HERC2: variants seen among roughly 807,000 people sequenced by gnomAD.
The protein encoded by HERC2 is HECT and RLD domain containing E3 ubiquitin protein ligase 2, also known as E3 ubiquitin-protein ligase HERC2.
Under a neutral mutation model 537.7 loss-of-function variants are expected in HERC2, and 102 were observed. The ratio of observed to expected loss-of-function variants is 0.19; its 90% CI spans 0.16 to 0.22. The LOEUF is 0.22. Ranked by LOEUF, HERC2 falls within the 10% of genes least tolerant of loss-of-function variation. The probability of loss-of-function intolerance (pLI) is 1.00; values close to 1 mark genes in which losing one functional copy is unlikely to be tolerated. For synonymous variants in HERC2, 2,224 were observed against 2,466.2 expected, an observed-to-expected ratio of 0.90 and a Z score of 2.91; for missense variants, 4,236 against 6,198.2, an observed-to-expected ratio of 0.68 and a Z score of 10.63.
intron 86 of HERC2, chr15:28,117,579 C>G (rs1888415839): frequency 4.2e-6 from 2 of 472,794 alleles, no homozygotes; most frequent in Non-Finnish European, 8.4e-6. Context: ...AGCAGCTCCC[C>G]CAGCAGACCA....
At position 28,268,371 on chromosome 15, in the gene HERC2, G is replaced by A. The variant is rs942928951; in HGVS notation, c.1598+94C>T. On this transcript the variant is annotated intron_variant, in intron 12 of 92. Coordinates refer to ENST00000261609, the MANE Select transcript of HERC2 (RefSeq NM_004667.6). This position sits in a 1 kb window ranked among gnomAD's most constrained non-coding sequence, Gnocchi z 4.7. ...CCAGCGCTACATGTCAGGGCAATTG[G>A]AAAACACCTGGACACACTTCTGCGC... is the stretch of plus-strand genomic sequence containing the variant. 8 of 1,239,418 alleles carry A rather than the reference G, an allele frequency of 6.5e-6. No homozygotes were observed. Among genetic ancestry groups the A allele is most frequent in the African/African-American group, 1.5e-5 (1 of 67,016 alleles). The allele number at this position is 1,239,418 out of a possible 1,614,324, so 76.8% of individuals were successfully genotyped here.
chr15:28,233,790 A>C lies in HERC2; in HGVS notation c.4225T>G (p.Leu1409Val). Residue 1409 changes from leucine to valine, a missense_variant, in exon 28 of 93, where the codon TTG becomes GTG. Physicochemically the swap from Leu to Val is conservative, Grantham distance 32 (BLOSUM62 1). Coordinates refer to ENST00000261609, the MANE Select transcript of HERC2 (RefSeq NM_004667.6). ...CTACAGTACCTTTCTATTTGACACA[A>C]AAAGTCCTGCAACAGAAACAGCTGG... ...NIQDHNVKDF[L>V]CQIERYCRQC... is the part of the protein sequence containing the mutation. The C allele has an allele frequency of 6.2e-7, 1 of 1,612,284 alleles. No homozygotes were observed. Among genetic ancestry groups the C allele is most frequent in the South Asian group, 1.1e-5 (1 of 90,996 alleles).
chr15:28,192,173 G>A (rs1294342231), intron 52 of HERC2, 22 bp from the exon 53 acceptor site: 1 of 1,597,370 alleles, frequency 6.3e-7, no homozygotes, highest in East Asian at 2.2e-5. Flanking sequence ...TAGTCAAAAA[G>A]AGAATTAACC....
chr15:28,173,791 C>CA (rs756958450), intron 65 of HERC2, among the ~76,000 whole-genome samples: 8,700 of 70,838 alleles, frequency 0.12, 731 homozygotes, highest in African/African-American at 0.29. Flanking sequence ...ACCCTGTCTA[C>CA]AAAAAAAAAA....
chr15:28,319,495 G>A (rs867913715), intron 2 of HERC2, among the ~76,000 whole-genome samples: 6 of 146,530 alleles, frequency 4.1e-5, no homozygotes, highest in Middle Eastern at 3.6e-3. Flanking sequence ...TGAGGCGGGA[G>A]AATCACTTGC....
intron 45 of HERC2, among the ~76,000 whole-genome samples, chr15:28,204,429 G>C (rs1898192475): frequency 6.6e-6 from 1 of 152,128 alleles, no homozygotes; most frequent in East Asian, 1.9e-4. Context: ...AGACCAGCCT[G>C]GCCAACATGG....
chr15:28,124,148 G>T lies in HERC2; in HGVS notation c.13077C>A (p.Leu4359=). The T allele has an allele frequency of 6.3e-7, 1 of 1,594,686 alleles. No individual in the cohort carries two copies. Among genetic ancestry groups the T allele is most frequent in the Non-Finnish European group, 8.5e-7 (1 of 1,170,554 alleles). The change falls in exon 85 of 93, where the codon CTC becomes CTA. Residue 4359 remains leucine, a synonymous_variant. Coordinates refer to ENST00000261609, the MANE Select transcript of HERC2 (RefSeq NM_004667.6). ...CGAACATGGGGATGCAGGGGCAGAA[G>T]AGCTCGGAGAGGTGGTGCAGCAGCA... The part of the protein sequence containing the change: ...RLLLLHHLSE[L]FCPCIPMFDL...
intron 50 of HERC2, 79 bp downstream of exon 50, chr15:28,198,299 T>C (rs927193455): frequency 3.4e-6 from 5 of 1,479,662 alleles, no homozygotes; most frequent in African/African-American, 1.4e-5. Context: ...TTTTGTGTGC[T>C]TGAACAAAAA....
intron 5 of HERC2, among the ~76,000 whole-genome samples, chr15:28,278,097 T>TAA (rs149409263): frequency 7.3e-6 from 1 of 137,066 alleles, no homozygotes; most frequent in South Asian, 2.3e-4. Context: ...CTATACAAAT[T>TAA]AAAAAAAAAA....
chr15:28,131,533 A>G (rs1404107196), intron 81 of HERC2, among the ~76,000 whole-genome samples: 1 of 152,196 alleles, frequency 6.6e-6, no homozygotes, highest in Non-Finnish European at 1.5e-5. Flanking sequence ...ACCCATTCAC[A>G]AGAGCAAAAG....
intron 79 of HERC2, 64 bp from the exon 80 acceptor site, chr15:28,132,894 T>G: frequency 2.4e-6 from 3 of 1,261,780 alleles, no homozygotes; most frequent in Admixed American, 2.6e-5. Context: ...TTCAGTGTAT[T>G]AAATACCTCT....
chr15:28,141,944 T>C, intron 76 of HERC2, 98 bp from the exon 77 acceptor site: 2 of 964,154 alleles, frequency 2.1e-6, no homozygotes, highest in South Asian at 3.0e-5. Context: ...CCTAAAAATA[T>C]GAGGGAAGAG....
intron 80 of HERC2, 124 bp downstream of exon 80, chr15:28,132,528 CA>C: frequency 2.0e-6 from 2 of 1,018,864 alleles, no homozygotes; most frequent in Non-Finnish European, 1.3e-6. Flanking sequence ...TTCTTGCACC[CA>C]AAAATACAGT....
rs577507498 is a variant in HERC2, at chr15:28,219,229, C to T, written c.5846-558G>A. ...CTAGATGAGGACAAAGCACCGGCAT[C>T]TGTGGAGTGGGGCGACCAGACGCTC... is the stretch of plus-strand genomic sequence containing the variant. On this transcript the variant is annotated intron_variant, in intron 37 of 92. Coordinates refer to ENST00000261609, the MANE Select transcript of HERC2 (RefSeq NM_004667.6). Among the ~76,000 whole-genome samples the T allele has an allele frequency of 3.9e-5, 6 of 152,384 alleles. No homozygotes were observed. In the South Asian group the frequency reaches 1.2e-3, roughly 32 times the overall value.
At chr15:28,274,781 G>C (rs1045636292) in intron 6 of HERC2, 124 bp downstream of exon 6, 18 of 752,518 alleles carry the variant, frequency 2.4e-5, no homozygotes, top group Admixed American at 2.2e-4. Flanking sequence ...TCACAAGCAA[G>C]GAAACTGAGG....
At chr15:28,153,873 G>A (rs535753254) in intron 69 of HERC2, among the ~76,000 whole-genome samples, 72 of 152,174 alleles carry the variant, frequency 4.7e-4, no homozygotes, top group African/African-American at 1.4e-3. Context: ...AACGGAGCCC[G>A]GTGGGAGGGG....
intron 45 of HERC2, among the ~76,000 whole-genome samples, chr15:28,204,327 A>C (rs1172879666): frequency 6.6e-6 from 1 of 152,196 alleles, no homozygotes; most frequent in African/African-American, 2.4e-5. Flanking sequence ...AATGTACAGC[A>C]AAAGATAGAT....
chr15:28,122,390 G>A lies in HERC2; in HGVS notation c.13189-961C>T, dbSNP rs1057025704. On this transcript the variant is annotated intron_variant, in intron 85 of 92. Coordinates refer to ENST00000261609, the MANE Select transcript of HERC2 (RefSeq NM_004667.6). This position sits in a 1 kb window ranked among gnomAD's most constrained non-coding sequence, Gnocchi z 4.1. ...TAGGGGTGGGCTGTGGGAGCACAAG[G>A]GTCCCTCAGTGGAGGCTGAGCCCTT... Among the ~76,000 whole-genome samples the A allele has an allele frequency of 5.9e-5, 9 of 152,182 alleles. No homozygotes were observed. The highest frequency in any genetic ancestry group is 1.3e-4 in the Non-Finnish European group (9 of 68,016).
intron 69 of HERC2, among the ~76,000 whole-genome samples, 189 bp downstream of exon 69, chr15:28,162,905 C>T (rs903927063): frequency 6.6e-6 from 1 of 152,148 alleles, no homozygotes; most frequent in African/African-American, 2.4e-5. Context: ...AAACAAAAAA[C>T]AGGTAAAGGA....
Sources: gnomAD v4.1 joint callset for allele counts (sites outside exome capture counted in the v4.1 genomes callset) on GRCh38, gnomAD v4.1.1 for gene constraint, Gnocchi (gnomAD v3.1) non-coding constraint, MANE v1.5 for transcripts, NCBI Gene and HGNC (gene_info 2026-07-23, HGNC 2026-07-21) for gene names.